Variants in EYA1 observed in about 807,000 individuals in gnomAD.
EYA1 encodes protein phosphatase EYA1.
In EYA1, 16 loss-of-function variants were observed where a neutral mutation model predicts 82.0. The ratio of observed to expected loss-of-function variants is 0.20; its 90% CI spans 0.13 to 0.30. The LOEUF is 0.30. EYA1 is among the 10% of genes least tolerant of loss of function. The probability of loss-of-function intolerance (pLI) is 1.00; values close to 1 mark genes in which losing one functional copy is unlikely to be tolerated. For missense variants in EYA1, 633 were observed against 730.7 expected, an observed-to-expected ratio of 0.87 and a Z score of 1.54; for synonymous variants, 261 against 264.4, an observed-to-expected ratio of 0.99 and a Z score of 0.12.
intron 9 of EYA1, among the ~76,000 whole-genome samples, chr8:71,287,640 A>G (rs904926921): frequency 1.3e-5 from 2 of 152,224 alleles, no homozygotes; most frequent in African/African-American, 4.8e-5. Flanking sequence ...GAAACTGGTG[A>G]GCCACACTTT....
At chr8:71,240,617 A>G (rs1447895506) in intron 12 of EYA1, among the ~76,000 whole-genome samples, 1 of 152,196 alleles carries the variant, frequency 6.6e-6, no homozygotes, top group Admixed American at 6.5e-5. Context: ...GCTGACTCTT[A>G]AAGGTCACTC....
At chr8:71,454,720 A>G (rs761998759) in intron 2 of EYA1, among the ~76,000 whole-genome samples, 47 of 152,374 alleles carry the variant, frequency 3.1e-4, no homozygotes, top group Non-Finnish European at 5.0e-4. Flanking sequence ...TTTGAAACCA[A>G]TGAGAACAAA....
At chr8:71,483,674 CGTGTGT>C (rs34143964) in intron 2 of EYA1, among the ~76,000 whole-genome samples, 1 of 147,878 alleles carries the variant, frequency 6.8e-6, no homozygotes, top group Non-Finnish European at 1.5e-5. Context: ...TGTGTGTGTG[CGTGTGT>C]GTGTGTGTGT....
intron 12 of EYA1, among the ~76,000 whole-genome samples, chr8:71,232,066 G>C (rs577193966): frequency 6.6e-6 from 1 of 152,302 alleles, no homozygotes; most frequent in East Asian, 1.9e-4. Context: ...AATGATGTTT[G>C]CAAAAGAAAA....
chr8:71,345,431 T>A (rs1381175933), intron 3 of EYA1, among the ~76,000 whole-genome samples: 1 of 152,226 alleles, frequency 6.6e-6, no homozygotes, highest in Admixed American at 6.5e-5. Flanking sequence ...AAGTAAGTAT[T>A]CATCATCATA....
chr8:71,401,344 A>G (rs544236052), intron 2 of EYA1, among the ~76,000 whole-genome samples: 7 of 152,372 alleles, frequency 4.6e-5, no homozygotes, highest in South Asian at 2.1e-4. Flanking sequence ...TTACCTTTCA[A>G]CAAGAAGATT....
intron 2 of EYA1, among the ~76,000 whole-genome samples, chr8:71,497,103 C>T (rs1811470136): frequency 6.6e-6 from 1 of 152,190 alleles, no homozygotes; most frequent in Admixed American, 6.5e-5. Context: ...AACTACATAT[C>T]TGCTAAAGCT....
chr8:71,481,511 G>GA (rs1810158708), intron 2 of EYA1, among the ~76,000 whole-genome samples: 1 of 152,070 alleles, frequency 6.6e-6, no homozygotes, highest in Non-Finnish European at 1.5e-5. Flanking sequence ...AAAGAAAAAT[G>GA]TTTTTTTCTG....
In EYA1 at chr8:71,408,817, G is replaced by A. The variant is rs966669393; in HGVS notation, c.34-52306C>T. Among the ~76,000 whole-genome samples the A allele has an allele frequency of 3.1e-5, 4 of 130,256 alleles. No individual in the cohort carries two copies. The Admixed American group carries it at 3.1e-4, about 10-fold the overall frequency. 85.5% of individuals were successfully genotyped at this position (130,256 alleles called of 152,430 possible). ...TTGTCAACATTAGACAGATCAACGA[G>A]CCAGAAAGTCAACAAGGATACCCAG... On this transcript the variant is annotated intron_variant, in intron 2 of 18. Coordinates refer to the EYA1 transcript ENST00000643681.
upstream of EYA1, chr8:71,362,117 G>A: frequency 2.0e-6 from 2 of 976,704 alleles, no homozygotes; most frequent in Non-Finnish European, 2.4e-6. Flanking sequence ...ATTTGTTTGC[G>A]CAGCCTTGTA....
At chr8:71,412,958 T>C (rs908255368) in intron 2 of EYA1, among the ~76,000 whole-genome samples, 1 of 152,164 alleles carries the variant, frequency 6.6e-6, no homozygotes, top group African/African-American at 2.4e-5. Context: ...GATAGGGAGT[T>C]CCAAGACTAA....
intron 4 of EYA1, among the ~76,000 whole-genome samples, chr8:71,326,769 A>C (rs1407644088): frequency 6.6e-6 from 1 of 152,144 alleles, no homozygotes; most frequent in Non-Finnish European, 1.5e-5. Flanking sequence ...TGGCTCTTCT[A>C]GGAAGATGTG....
chr8:71,252,689 T>C (rs781726155), intron 11 of EYA1, among the ~76,000 whole-genome samples: 13 of 152,150 alleles, frequency 8.5e-5, no homozygotes, highest in Non-Finnish European at 1.8e-4. Context: ...AGGTGTCCTA[T>C]ACTCTGAAGA....
intron 2 of EYA1, among the ~76,000 whole-genome samples, chr8:71,415,675 A>G (rs1830815286): frequency 6.6e-6 from 1 of 152,182 alleles, no homozygotes; most frequent in Non-Finnish European, 1.5e-5. Flanking sequence ...TGACACACAT[A>G]AGCTATAGCT....
intron 2 of EYA1, among the ~76,000 whole-genome samples, chr8:71,450,633 T>C (rs1807284650): frequency 6.6e-6 from 1 of 152,196 alleles, no homozygotes; most frequent in Admixed American, 6.5e-5. Context: ...GAGCATGTGC[T>C]GTTGGGAAAA....
chr8:71,544,973 C>A (rs143972309), intron 1 of EYA1, among the ~76,000 whole-genome samples: 18 of 152,260 alleles, frequency 1.2e-4, no homozygotes, highest in Non-Finnish European at 2.2e-4. Context: ...GTGTAATATG[C>A]CAACCTAAAA....
At chr8:71,401,438 C>A (rs1376944261) in intron 2 of EYA1, among the ~76,000 whole-genome samples, 1 of 152,146 alleles carries the variant, frequency 6.6e-6, no homozygotes, top group Non-Finnish European at 1.5e-5. Context: ...TTGTTAGTTT[C>A]TCATTACTGC....
chr8:71,384,482 C>T (rs1563556801), intron 2 of EYA1, among the ~76,000 whole-genome samples: 1 of 152,152 alleles, frequency 6.6e-6, no homozygotes. Context: ...TTTGTTTGTA[C>T]AGTACCTTAC....
chr8:71,360,803 G>T (rs1027909389), intron 1 of EYA1, among the ~76,000 whole-genome samples: 1 of 152,084 alleles, frequency 6.6e-6, no homozygotes, highest in African/African-American at 2.4e-5. Flanking sequence ...GCCATTTTAA[G>T]AAATAAAACA....
Sources: allele counts gnomAD v4.1 joint callset (sites outside exome capture counted in the v4.1 genomes callset), GRCh38; gene constraint gnomAD v4.1.1; transcripts MANE v1.5; gene names NCBI Gene and HGNC (gene_info 2026-07-23, HGNC 2026-07-21).